The following DNAH11 variants were observed in gnomAD, a reference collection of about 807,000 sequenced individuals.
DNAH11 encodes the protein axonemal beta dynein heavy chain 11.
A neutral mutation model predicts 526.0 loss-of-function variants in DNAH11; 442 were observed. The ratio of observed to expected loss-of-function variants is 0.84; its 90% CI spans 0.78 to 0.91. The LOEUF (loss-of-function observed/expected upper bound fraction) is 0.91. Among genes scored for constraint, DNAH11 ranks in the 40% least tolerant of loss-of-function variants. The pLI is 0.00. For missense variants in DNAH11, 6,989 were observed against 5,448.7 expected, an observed-to-expected ratio of 1.28 and a Z score of -8.90; for synonymous variants, 2,461 against 1,935.9, an observed-to-expected ratio of 1.27 and a Z score of -7.12.
chr7:21,884,513 T>C (rs1480765260), intron 76 of DNAH11, 103 bp downstream of exon 76: 6 of 1,231,252 alleles, frequency 4.9e-6, no homozygotes, highest in Non-Finnish European at 6.6e-6. Context: ...TTAATGTTAT[T>C]GAGGATGCTT....
chr7:21,862,169 TCCCACA>T (rs1783090283), intron 69 of DNAH11, 146 bp downstream of exon 69: 1 of 853,192 alleles, frequency 1.2e-6, no homozygotes, highest in Non-Finnish European at 1.7e-6. Context: ...GGAATTTGCT[TCCCACA>T]GGGAACTTGG....
chr7:21,592,605 C>A (rs999348451), intron 14 of DNAH11, among the ~76,000 whole-genome samples: 1 of 152,104 alleles, frequency 6.6e-6, no homozygotes, highest in African/African-American at 2.4e-5. Context: ...GGAGGGTAAG[C>A]CACAGGCAAG....
intron 66 of DNAH11, among the ~76,000 whole-genome samples, chr7:21,849,639 ACT>A (rs896082126): frequency 2.0e-5 from 3 of 151,864 alleles, no homozygotes; most frequent in African/African-American, 7.2e-5. Flanking sequence ...ATTTTACTCA[ACT>A]CTCCTTTTTG....
In DNAH11 at chr7:21,617,665, C is replaced by T. The variant is rs551195183; in HGVS notation, c.4142C>T (p.Thr1381Met). 2.9e-5 allele frequency: 46 copies of T among 1,613,852 alleles called. No homozygotes were observed. Among genetic ancestry groups the T allele is most frequent in the Admixed American group, 1.5e-4 (9 of 59,970 alleles). Residue 1381 changes from threonine (T) to methionine (M), a missense_variant, in exon 23 of 82, where the codon ACG becomes ATG. Coordinates refer to ENST00000409508, the MANE Select transcript of DNAH11 (RefSeq NM_001277115.2). ...GAAGTCCGCGTCTGGGATGCTTACA[C>T]GGGCCTGGAAGGCACAGTTAAGGAC... ...NKEVRVWDAY[T>M]GLEGTVKDMT...
At chr7:21,582,918 C>T (rs1403870596) in intron 9 of DNAH11, among the ~76,000 whole-genome samples, 4 of 151,988 alleles carry the variant, frequency 2.6e-5, no homozygotes, top group Admixed American at 6.6e-5. Context: ...GAGAAGACAC[C>T]GGCGTTCTCT....
intron 30 of DNAH11, among the ~76,000 whole-genome samples, chr7:21,674,815 A>G (rs934476670): frequency 6.6e-6 from 1 of 152,030 alleles, no homozygotes; most frequent in Non-Finnish European, 1.5e-5. Flanking sequence ...TCCAGTGCAC[A>G]TTAGCTCTTC....
At chr7:21,630,814 G>T (rs942585666) in intron 25 of DNAH11, among the ~76,000 whole-genome samples, 3 of 152,118 alleles carry the variant, frequency 2.0e-5, no homozygotes, top group Admixed American at 6.6e-5. Flanking sequence ...ATTTGGGTCA[G>T]TTCTATTTGG....
At chr7:21,715,467 C>T (rs1784621819) in intron 42 of DNAH11, among the ~76,000 whole-genome samples, 1 of 152,148 alleles carries the variant, frequency 6.6e-6, no homozygotes, top group Admixed American at 6.5e-5. Context: ...ACAATGTAGC[C>T]ATTTCCTGAG....
intron 14 of DNAH11, among the ~76,000 whole-genome samples, chr7:21,592,200 A>G (rs531524216): frequency 2.0e-5 from 3 of 152,360 alleles, no homozygotes; most frequent in East Asian, 3.9e-4. Context: ...AAGAGAAAAG[A>G]ACAAATAGAT....
chr7:21,840,913 G>A (rs1388639273), intron 65 of DNAH11, among the ~76,000 whole-genome samples: 3 of 152,174 alleles, frequency 2.0e-5, no homozygotes, highest in Admixed American at 6.5e-5. Flanking sequence ...TGGGTGAGGT[G>A]CCTCACACCT....
At chr7:21,882,558 G>C (rs539962429) in intron 75 of DNAH11, among the ~76,000 whole-genome samples, 4 of 152,330 alleles carry the variant, frequency 2.6e-5, no homozygotes, top group African/African-American at 7.2e-5. Flanking sequence ...CACTTTGGGA[G>C]GCCAAGTCGG....
chr7:21,594,497 G>A lies in DNAH11; in HGVS notation c.2667+2920G>A, dbSNP rs887625349. Among the ~76,000 whole-genome samples, 8 of 152,108 alleles carry A rather than the reference G, an allele frequency of 5.3e-5. No homozygotes were observed. In the South Asian group the frequency reaches 6.2e-4, roughly 12 times the overall value. ...AGTCGTGCTGTGTTAGAACTGGTACGCGCTGCAGGAAAAAGATCAAATTGG... is the reference window on the plus strand; with the variant it reads ...AGTCGTGCTGTGTTAGAACTGGTACACGCTGCAGGAAAAAGATCAAATTGG... On this transcript the variant is annotated intron_variant, in intron 14 of 81. Transcript: ENST00000409508.
intron 81 of DNAH11, chr7:21,900,799 A>G: frequency 1.6e-6 from 1 of 620,352 alleles, no homozygotes; most frequent in Non-Finnish European, 2.5e-6. Flanking sequence ...TTTAACCACT[A>G]CGCATGGAAG....
chr7:21,552,523 G>A (rs1357910034), intron 2 of DNAH11, among the ~76,000 whole-genome samples: 2 of 151,954 alleles, frequency 1.3e-5, no homozygotes, highest in Admixed American at 6.6e-5. Flanking sequence ...ATCTCCATTC[G>A]TCTATGAAAT....
chr7:21,761,096 G>A (rs1250947985), intron 54 of DNAH11, among the ~76,000 whole-genome samples: 1 of 152,140 alleles, frequency 6.6e-6, no homozygotes, highest in Non-Finnish European at 1.5e-5. Flanking sequence ...GTAAAGTCGT[G>A]TAAACTGTCT....
intron 18 of DNAH11, among the ~76,000 whole-genome samples, chr7:21,601,995 TGTCA>T (rs1027797023): frequency 8.5e-5 from 13 of 152,166 alleles, no homozygotes; most frequent in African/African-American, 3.1e-4. Context: ...AAAAACTACC[TGTCA>T]GTCAAGAAGT....
chr7:21,728,237 C>CCTTTT (rs1785218570), intron 45 of DNAH11, among the ~76,000 whole-genome samples: 1 of 58,870 alleles, frequency 1.7e-5, no homozygotes, highest in African/African-American at 7.7e-5. Context: ...GCCCACAATT[C>CCTTTT]TTTTTTTTTT....
At position 21,620,022 on chromosome 7, in the gene DNAH11, G is replaced by A; in HGVS notation, c.4444G>A (p.Gly1482Ser). The A allele has an allele frequency of 6.2e-7, 1 of 1,609,636 alleles. No homozygotes were observed. Among genetic ancestry groups the A allele is most frequent in the South Asian group, 1.1e-5 (1 of 89,454 alleles). ...TTCTTACGAAGTTCACTATCGAACAGGCATTCCATTACTAAAGTCTGATGA... is the reference window on the plus strand; with the variant it reads ...TTCTTACGAAGTTCACTATCGAACAAGCATTCCATTACTAAAGTCTGATGA... ...KFSYEVHYRT[G>S]IPLLKSDEQL... Residue 1482 changes from glycine to serine, a missense_variant, in exon 25 of 82, where the codon GGC (glycine) becomes AGC (serine). Physicochemically the swap from Gly to Ser is moderately conservative, Grantham distance 56 (BLOSUM62 0). Transcript: ENST00000409508.
chr7:21,816,163 C>T (rs1789781841), intron 63 of DNAH11, among the ~76,000 whole-genome samples: 1 of 152,086 alleles, frequency 6.6e-6, no homozygotes. Context: ...TGCCATTCTT[C>T]CTGGGGTGTA....
Sources: gnomAD v4.1 joint callset for allele counts (sites outside exome capture counted in the v4.1 genomes callset) on GRCh38, gnomAD v4.1.1 for gene constraint, MANE v1.5 for transcripts, NCBI Gene and HGNC (gene_info 2026-07-23, HGNC 2026-07-21) for gene names.